KCND3: variants seen among roughly 807,000 people sequenced by gnomAD.
The protein encoded by KCND3 is potassium voltage-gated channel subfamily D member 3, also known as A-type voltage-gated potassium channel KCND3.
A neutral mutation model predicts 51.1 loss-of-function variants in KCND3; 9 were observed. The ratio of observed to expected loss-of-function variants is 0.18; its 90% CI spans 0.11 to 0.31. KCND3 has a LOEUF of 0.31. Among genes scored for constraint, KCND3 ranks in the 10% least tolerant of loss-of-function variants. The pLI is 1.00. For missense variants in KCND3, 526 were observed against 903.8 expected, an observed-to-expected ratio of 0.58 and a Z score of 5.36; for synonymous variants, 349 against 368.0, an observed-to-expected ratio of 0.95 and a Z score of 0.59.
chr1:111,789,504 A>G (rs568252733), intron 2 of KCND3, among the ~76,000 whole-genome samples: 38 of 152,398 alleles, frequency 2.5e-4, no homozygotes, highest in Non-Finnish European at 4.4e-4. Flanking sequence ...ATGGGGTTGC[A>G]GAACCACTGC....
chr1:111,783,893 T>C (rs750345456), intron 3 of KCND3, among the ~76,000 whole-genome samples: 3 of 152,184 alleles, frequency 2.0e-5, no homozygotes, highest in South Asian at 2.1e-4. Context: ...AAAAAGCCAA[T>C]ACCCAAAGGT....
At chr1:111,820,829 G>C (rs945962085) in intron 2 of KCND3, among the ~76,000 whole-genome samples, 1 of 152,184 alleles carries the variant, frequency 6.6e-6, no homozygotes, top group Admixed American at 6.5e-5. Flanking sequence ...ACAGACACAG[G>C]GGGGTGACGG....
chr1:111,804,465 G>A (rs1049137757), intron 2 of KCND3, among the ~76,000 whole-genome samples: 1 of 152,196 alleles, frequency 6.6e-6, no homozygotes, highest in African/African-American at 2.4e-5. Context: ...AACCTTCTGT[G>A]TTTTGGGTCT....
intron 2 of KCND3, among the ~76,000 whole-genome samples, chr1:111,823,387 G>C (rs1370112630): frequency 6.6e-6 from 1 of 152,084 alleles, no homozygotes; most frequent in Non-Finnish European, 1.5e-5. Context: ...ACCTACTCTG[G>C]TCCCTGACAT....
chr1:111,935,090 G>A (rs12411132), intron 2 of KCND3, among the ~76,000 whole-genome samples: 26,326 of 152,154 alleles, frequency 0.17, 2,960 homozygotes, highest in Non-Finnish European at 0.25. Context: ...TGGCATACTT[G>A]AACATGGGGT....
intron 2 of KCND3, among the ~76,000 whole-genome samples, chr1:111,904,094 T>C (rs1557709408): frequency 1.6e-5 from 1 of 64,196 alleles, no homozygotes. Flanking sequence ...GTTGGTTTTT[T>C]GTTTTTTTTT....
At chr1:111,810,689 A>G (rs1665806582) in intron 2 of KCND3, among the ~76,000 whole-genome samples, 1 of 152,268 alleles carries the variant, frequency 6.6e-6, no homozygotes. Context: ...AGTAACCTCC[A>G]GGACTCCAAG....
chr1:111,894,284 A>G (rs1458589454), intron 2 of KCND3, among the ~76,000 whole-genome samples: 1 of 152,028 alleles, frequency 6.6e-6, no homozygotes, highest in African/African-American at 2.4e-5. Context: ...GCTGTGTTCT[A>G]TGTTCCTCTC....
At chr1:111,821,927 C>T (rs867290131) in intron 2 of KCND3, among the ~76,000 whole-genome samples, 1 of 152,080 alleles carries the variant, frequency 6.6e-6, no homozygotes, top group African/African-American at 2.4e-5. Flanking sequence ...CTACCCTGTC[C>T]CCCAGAACTG....
chr1:111,980,969 C>CTT (rs1225895938), intron 2 of KCND3, among the ~76,000 whole-genome samples: 1 of 152,132 alleles, frequency 6.6e-6, no homozygotes, highest in African/African-American at 2.4e-5. Flanking sequence ...CTGACTCAGA[C>CTT]TAAAAAGCAA....
chr1:111,851,452 A>G (rs1667812056), intron 2 of KCND3, among the ~76,000 whole-genome samples: 1 of 152,050 alleles, frequency 6.6e-6, no homozygotes. Flanking sequence ...CAGCTCACAT[A>G]CCTCTGTGGA....
intron 2 of KCND3, among the ~76,000 whole-genome samples, chr1:111,850,433 A>G (rs1012349846): frequency 3.3e-5 from 5 of 152,062 alleles, no homozygotes; most frequent in Admixed American, 1.3e-4. Flanking sequence ...CTCACAGCTG[A>G]CCCATAGGCC....
At chr1:111,859,079 C>G (rs1272928597) in intron 2 of KCND3, among the ~76,000 whole-genome samples, 1 of 152,128 alleles carries the variant, frequency 6.6e-6, no homozygotes, top group African/African-American at 2.4e-5. Flanking sequence ...AGTGACCTTT[C>G]AAAAAAGCAA....
chr1:111,953,628 A>G (rs1005412650), intron 2 of KCND3, among the ~76,000 whole-genome samples: 1 of 152,248 alleles, frequency 6.6e-6, no homozygotes, highest in Non-Finnish European at 1.5e-5. Flanking sequence ...AGGGCGTCAC[A>G]TGCATCCAAG....
At chr1:111,903,233 C>T (rs1670474205) in intron 2 of KCND3, among the ~76,000 whole-genome samples, 1 of 152,238 alleles carries the variant, frequency 6.6e-6, no homozygotes. Context: ...CAGTACCTCG[C>T]TGCTTTCTCC....
Position 111,780,123 on chromosome 1 carries a change from G to T in KCND3, c.1461+102C>A. Reference sequence around the variant, plus strand: ...CATCACTACCTTTTGGATCTGAAGGGGACAGACTTTGACTTCTGGCCCAGA... The same window carrying T: ...CATCACTACCTTTTGGATCTGAAGGTGACAGACTTTGACTTCTGGCCCAGA... On this transcript the variant is annotated intron_variant, in intron 5 of 7. Coordinates refer to ENST00000302127, the MANE Select transcript of KCND3 (RefSeq NM_001378969.1). This position sits in a 1 kb window ranked among gnomAD's most constrained non-coding sequence, Gnocchi z 4.2. 8.1e-7 allele frequency: 1 copy of T among 1,235,958 alleles called. No homozygotes were observed. Among genetic ancestry groups the T allele is most frequent in the Non-Finnish European group, 1.2e-6 (1 of 861,420 alleles). The allele number at this position is 1,235,958 out of a possible 1,614,324, so 76.6% of individuals were successfully genotyped here.
intron 2 of KCND3, among the ~76,000 whole-genome samples, chr1:111,911,663 C>T (rs1670953749): frequency 6.6e-6 from 1 of 152,226 alleles, no homozygotes; most frequent in Admixed American, 6.5e-5. Context: ...TGCTTAATCT[C>T]TCTGTGCCCC....
At chr1:111,851,717 G>T (rs980093728) in intron 2 of KCND3, among the ~76,000 whole-genome samples, 2 of 152,196 alleles carry the variant, frequency 1.3e-5, no homozygotes, top group African/African-American at 4.8e-5. Flanking sequence ...ATTCCCCAAC[G>T]CAGCACCTAG....
chr1:111,984,131 T>C (rs1221375989), intron 1 of KCND3, among the ~76,000 whole-genome samples: 1 of 152,198 alleles, frequency 6.6e-6, no homozygotes, highest in African/African-American at 2.4e-5. Flanking sequence ...GATTCTAAGT[T>C]TAAATAAACG....
Sources: gnomAD v4.1 joint callset for allele counts (sites outside exome capture counted in the v4.1 genomes callset) on GRCh38, gnomAD v4.1.1 for gene constraint, Gnocchi (gnomAD v3.1) non-coding constraint, MANE v1.5 for transcripts, NCBI Gene and HGNC (gene_info 2026-07-23, HGNC 2026-07-21) for gene names.